The following CCDC178 variants were observed in gnomAD, a reference collection of about 807,000 sequenced individuals.
CCDC178 encodes the protein coiled-coil domain-containing protein 178.
Under a neutral mutation model 117.4 loss-of-function variants are expected in CCDC178, and 126 were observed. That is an observed-to-expected ratio of 1.07 (90% CI 0.93 to 1.24). The LOEUF is 1.24. Ranked by LOEUF, CCDC178 falls within the 50% of genes most tolerant of loss-of-function variation. The pLI is 0.00. For synonymous variants in CCDC178, 283 were observed against 313.4 expected (o/e 0.90, Z 1.02); for missense variants, 1,030 against 986.9 (o/e 1.04, Z -0.59).
intron 21 of CCDC178, among the ~76,000 whole-genome samples, chr18:33,074,680 A>C (rs2057173962): frequency 6.6e-6 from 1 of 152,196 alleles, no homozygotes. Flanking sequence ...AGAGTGCTTC[A>C]GGAAGGGGAG....
intron 5 of CCDC178, among the ~76,000 whole-genome samples, chr18:33,370,460 C>G (rs528973519): frequency 4.3e-4 from 65 of 151,568 alleles, no homozygotes; most frequent in Non-Finnish European, 7.8e-4. Context: ...AAAAACATAG[C>G]ATTGTGAACT....
intron 14 of CCDC178, among the ~76,000 whole-genome samples, chr18:33,266,511 T>TATTAG (rs142204665): frequency 6.6e-6 from 1 of 151,746 alleles, no homozygotes; most frequent in African/African-American, 2.4e-5. Context: ...TAAAGCTGCT[T>TATTAG]ATAACTTTTA....
chr18:33,305,957 C>T (rs1282426645), intron 11 of CCDC178, among the ~76,000 whole-genome samples: 1 of 152,092 alleles, frequency 6.6e-6, no homozygotes, highest in Non-Finnish European at 1.5e-5. Context: ...ACCAGGGATC[C>T]CTGGGTGCAA....
intron 7 of CCDC178, among the ~76,000 whole-genome samples, chr18:33,355,458 G>A (rs913301795): frequency 2.6e-5 from 4 of 152,154 alleles, no homozygotes; most frequent in African/African-American, 9.7e-5. Flanking sequence ...GTAATCCTTC[G>A]AGGCTTACCC....
At chr18:33,325,604 G>T (rs965240546) in intron 10 of CCDC178, among the ~76,000 whole-genome samples, 1 of 151,998 alleles carries the variant, frequency 6.6e-6, no homozygotes, top group African/African-American at 2.4e-5. Flanking sequence ...TTACAGGTTA[G>T]ATCATACGCA....
At chr18:32,996,419 G>T (rs1180003401) in intron 21 of CCDC178, among the ~76,000 whole-genome samples, 1 of 151,834 alleles carries the variant, frequency 6.6e-6, no homozygotes. Context: ...GGAATAGTAT[G>T]CAAGAACTTA....
intron 20 of CCDC178, among the ~76,000 whole-genome samples, chr18:33,134,561 C>G (rs1312398549): frequency 6.6e-6 from 1 of 152,020 alleles, no homozygotes; most frequent in Admixed American, 6.6e-5. Context: ...ATAAGGGTTA[C>G]ATTTTCATAG....
intron 20 of CCDC178, among the ~76,000 whole-genome samples, chr18:33,127,796 T>G (rs1441753671): frequency 6.6e-6 from 1 of 152,140 alleles, no homozygotes; most frequent in Non-Finnish European, 1.5e-5. Context: ...TGTTTACAAA[T>G]TTAGTAGTCA....
intron 20 of CCDC178, among the ~76,000 whole-genome samples, chr18:33,187,015 T>C (rs2058802355): frequency 7.3e-6 from 1 of 137,098 alleles, no homozygotes; most frequent in Non-Finnish European, 1.5e-5. Context: ...CTCACAGTTC[T>C]GCATGGCTGG....
chr18:33,355,174 T>G (rs1228631897), intron 7 of CCDC178, among the ~76,000 whole-genome samples: 1 of 152,214 alleles, frequency 6.6e-6, no homozygotes, highest in African/African-American at 2.4e-5. Context: ...TTTTGAAAAT[T>G]GGACATTTTG....
intron 22 of CCDC178, among the ~76,000 whole-genome samples, chr18:32,954,274 C>T (rs928656895): frequency 9.2e-5 from 14 of 152,022 alleles, no homozygotes; most frequent in Non-Finnish European, 1.5e-4. Flanking sequence ...CCTATTAAAA[C>T]GTATGCCCTC....
chr18:33,282,035 G>A (rs2060032206), intron 12 of CCDC178, among the ~76,000 whole-genome samples: 1 of 152,154 alleles, frequency 6.6e-6, no homozygotes, highest in African/African-American at 2.4e-5. Context: ...TCTTCAGAGG[G>A]AAGGCACCAA....
At chr18:33,161,600 G>A (rs780353371) in intron 20 of CCDC178, among the ~76,000 whole-genome samples, 103 of 152,134 alleles carry the variant, frequency 6.8e-4, no homozygotes, top group Non-Finnish European at 1.2e-3. Flanking sequence ...ATCCTCTCTC[G>A]ATCTTATTTA....
chr18:33,156,290 A>G (rs1269281618), intron 20 of CCDC178, among the ~76,000 whole-genome samples: 2 of 151,558 alleles, frequency 1.3e-5, no homozygotes, highest in African/African-American at 2.4e-5. Context: ...AGATTTCACA[A>G]TGTTGGCCAG....
intron 14 of CCDC178, among the ~76,000 whole-genome samples, chr18:33,265,562 G>GA (rs1349542219): frequency 6.6e-6 from 1 of 151,908 alleles, no homozygotes; most frequent in African/African-American, 2.4e-5. Context: ...GTATGGGCTG[G>GA]AAAAAGTGAT....
intron 15 of CCDC178, among the ~76,000 whole-genome samples, chr18:33,241,447 T>C (rs1279300414): frequency 6.6e-6 from 1 of 151,040 alleles, no homozygotes. Context: ...TGTGTGTGTG[T>C]GTGTGTGTGT....
At chr18:33,002,004 G>A (rs999590492) in intron 21 of CCDC178, among the ~76,000 whole-genome samples, 2 of 152,096 alleles carry the variant, frequency 1.3e-5, no homozygotes, top group African/African-American at 2.4e-5. Flanking sequence ...TATGCACCAA[G>A]CACTGGATCA....
chr18:33,420,876 T>G (rs2064015304), intron 2 of CCDC178, among the ~76,000 whole-genome samples: 1 of 152,122 alleles, frequency 6.6e-6, no homozygotes, highest in African/African-American at 2.4e-5. Context: ...CTCATGCTTG[T>G]GGAAATTAAA....
At chr18:33,317,020 T>G (rs572959950) in intron 11 of CCDC178, among the ~76,000 whole-genome samples, 11 of 152,242 alleles carry the variant, frequency 7.2e-5, no homozygotes, top group African/African-American at 2.6e-4. Context: ...TGGCTCTCTG[T>G]AAAATGGACT....
Sources: allele counts gnomAD v4.1 joint callset (sites outside exome capture counted in the v4.1 genomes callset), GRCh38; gene constraint gnomAD v4.1.1; transcripts MANE v1.5; gene names NCBI Gene and HGNC (gene_info 2026-07-23, HGNC 2026-07-21).